CCT6B: variants seen among roughly 807,000 people sequenced by gnomAD.
CCT6B encodes probable T-complex protein 1 subunit zeta-2.
A neutral mutation model predicts 61.5 loss-of-function variants in CCT6B; 49 were observed. That is an observed-to-expected ratio of 0.80 (90% CI 0.63 to 1.01). The LOEUF (loss-of-function observed/expected upper bound fraction) is 1.01. CCT6B is among the 50% of genes least tolerant of loss of function. The probability of loss-of-function intolerance (pLI) is 0.00; values close to 1 mark genes in which losing one functional copy is unlikely to be tolerated. For missense variants in CCT6B, 666 were observed against 634.7 expected (o/e 1.05, Z -0.53); for synonymous variants, 228 against 214.5 (o/e 1.06, Z -0.55).
intron 12 of CCT6B, 36 bp from the exon 13 acceptor site, chr17:34,929,070 A>G: frequency 7.9e-7 from 1 of 1,261,788 alleles, no homozygotes; most frequent in Admixed American, 1.8e-5. Context: ...CCAAAATCTT[A>G]GTATTTGCTA....
At chr17:34,937,843 A>T (rs775053687) in intron 10 of CCT6B, among the ~76,000 whole-genome samples, 2 of 151,724 alleles carry the variant, frequency 1.3e-5, no homozygotes, top group Non-Finnish European at 2.9e-5. Context: ...GAACTCTCAA[A>T]CTCAACAATA....
intron 3 of CCT6B, among the ~76,000 whole-genome samples, 180 bp downstream of exon 3, chr17:34,958,380 G>A (rs1020715654): frequency 1.6e-4 from 25 of 152,106 alleles, no homozygotes; most frequent in Admixed American, 1.6e-3. Context: ...GGAGGCGGAG[G>A]TTGCAGTGAG....
At chr17:34,942,115 TCAGA>T (rs2090170327) in intron 7 of CCT6B, among the ~76,000 whole-genome samples, 1 of 151,544 alleles carries the variant, frequency 6.6e-6, no homozygotes, top group Admixed American at 6.6e-5. Context: ...GATGCATATT[TCAGA>T]ATCAAAATTT....
chr17:34,947,722 C>A (rs1373680093), intron 5 of CCT6B, among the ~76,000 whole-genome samples: 1 of 152,136 alleles, frequency 6.6e-6, no homozygotes, highest in Non-Finnish European at 1.5e-5. Context: ...TGGCTCACAC[C>A]TGTAATCCCA....
intron 5 of CCT6B, among the ~76,000 whole-genome samples, chr17:34,947,381 C>T (rs2090236021): frequency 6.6e-6 from 1 of 152,024 alleles, no homozygotes; most frequent in African/African-American, 2.4e-5. Flanking sequence ...ACACCAAAGA[C>T]AAAGAGAAAT....
chr17:34,938,291 T>G (rs1361872797), intron 10 of CCT6B, among the ~76,000 whole-genome samples: 1 of 152,116 alleles, frequency 6.6e-6, no homozygotes, highest in Non-Finnish European at 1.5e-5. Flanking sequence ...ATGGGCTGAA[T>G]GTGGTGGCTC....
intron 8 of CCT6B, among the ~76,000 whole-genome samples, chr17:34,940,227 C>A (rs2090146332): frequency 6.6e-6 from 1 of 152,094 alleles, no homozygotes; most frequent in African/African-American, 2.4e-5. Flanking sequence ...CTATCTACTT[C>A]TATGAGTTCA....
At chr17:34,958,523 CA>C in intron 3 of CCT6B, 36 bp downstream of exon 3, 1 of 1,322,374 alleles carries the variant, frequency 7.6e-7, no homozygotes, top group Non-Finnish European at 1.0e-6. Context: ...AATAATTTGC[CA>C]TTCAAAATAA....
Position 34,953,774 on chromosome 17 carries a change from T to C in CCT6B, c.510+652A>G, listed in dbSNP as rs146655247. On this transcript the variant is annotated intron_variant, in intron 4 of 13. Transcript: ENST00000314144. ...TTCAAGACAAGCTTTGGTAACATAG[T>C]GAGACCCCATCTCTACTAAAAATAC... 4.0e-3 allele frequency among the ~76,000 whole-genome samples: 605 copies of C among 152,196 alleles called. 1 individual carries two copies. The highest frequency in any genetic ancestry group is 6.4e-3 in the Non-Finnish European group (432 of 68,012).
chr17:34,939,039 G>A (rs537443628), intron 10 of CCT6B, 144 bp downstream of exon 10: 52 of 560,684 alleles, frequency 9.3e-5, no homozygotes, highest in Non-Finnish European at 1.2e-4. Flanking sequence ...GGCTGAGATC[G>A]CACCACTGCA....
At chr17:34,937,791 T>C (rs571004438) in intron 10 of CCT6B, among the ~76,000 whole-genome samples, 6 of 152,168 alleles carry the variant, frequency 3.9e-5, no homozygotes, top group African/African-American at 1.2e-4. Context: ...AATTTGCCAA[T>C]TATATATCTG....
At chr17:34,950,940 A>AAAAG (rs1555550439) in intron 5 of CCT6B, among the ~76,000 whole-genome samples, 2 of 151,780 alleles carry the variant, frequency 1.3e-5, no homozygotes, top group Non-Finnish European at 2.9e-5. Context: ...AAAAAAAAAA[A>AAAAG]AAGAAGAAGA....
Position 34,927,879 on chromosome 17 carries a change from A to C in CCT6B, c.*169T>G. ...TTATTCCTTTACTGTAAAAGTATTT[A>C]TTGTGTTCTTTATACCTTGATGAAA... On this transcript the variant is annotated 3_prime_UTR_variant, in exon 14 of 14. Transcript: ENST00000314144. 1 of 470,038 alleles carries C rather than the reference A, an allele frequency of 2.1e-6. No homozygotes were observed. Among genetic ancestry groups the C allele is most frequent in the Non-Finnish European group, 3.8e-6 (1 of 262,290 alleles). 29.1% of individuals were successfully genotyped at this position (470,038 alleles called of 1,614,324 possible). A position where few individuals can be genotyped will look rare whatever the true frequency, so the allele number is the denominator to read the frequency against.
rs188075332 is a variant in CCT6B, at chr17:34,958,625, C to A, written c.271G>T (p.Gly91Cys). ...ATAATTAGAACATTTGAAGTAGTAC[C>A]ATCTCCTGTGACGTCATCCTGAGCT... Reference protein sequence around the residue: ...ATAQDDVTGDGTTSNVLIIGE... With the variant: ...ATAQDDVTGDCTTSNVLIIGE... The change falls in exon 3 of 14, where the codon GGT becomes TGT. Residue 91 changes from glycine (G) to cysteine (C), a missense_variant. Transcript: ENST00000314144. 5.6e-6 allele frequency: 9 copies of A among 1,603,522 alleles called. No individual in the cohort carries two copies. The Admixed American group carries it at 1.0e-4, about 18-fold the overall frequency.
chr17:34,950,883 C>T (rs1028375640), intron 5 of CCT6B, among the ~76,000 whole-genome samples: 2 of 150,434 alleles, frequency 1.3e-5, no homozygotes, highest in Non-Finnish European at 3.0e-5. Flanking sequence ...GAGCCAAGAT[C>T]ACGCCATTGC....
intron 3 of CCT6B, among the ~76,000 whole-genome samples, chr17:34,956,580 T>C (rs2090349791): frequency 6.6e-6 from 1 of 152,182 alleles, no homozygotes; most frequent in African/African-American, 2.4e-5. Flanking sequence ...CTCTCCCACT[T>C]GTGCTTTGGA....
intron 2 of CCT6B, 123 bp downstream of exon 2, chr17:34,959,464 G>A: frequency 1.4e-6 from 1 of 712,096 alleles, no homozygotes; most frequent in Non-Finnish European, 2.4e-6. Context: ...TAATTCAACA[G>A]TCTTCAGCAT....
Position 34,942,804 on chromosome 17 carries a change from A to T in CCT6B, c.717T>A (p.Tyr239Ter). Residue 239 changes from tyrosine to a stop codon, truncating the protein, a stop_gained, in exon 6 of 14, where the codon TAT becomes TAA. Transcript: ENST00000314144. LOFTEE classifies it high-confidence loss of function. The part of the protein sequence containing the change: ...FILICNVSLE[Y>*]EKTEVNSGFF... ...GAGAAAGTAACACGCACGTTTTTTCATATTCCAGTGAAACGTTGCAAATAA... is the reference window on the plus strand; with the variant it reads ...GAGAAAGTAACACGCACGTTTTTTCTTATTCCAGTGAAACGTTGCAAATAA... 6.3e-7 allele frequency: 1 copy of T among 1,594,960 alleles called. No individual in the cohort carries two copies. The highest frequency in any genetic ancestry group is 8.6e-7 in the Non-Finnish European group (1 of 1,169,542).
chr17:34,951,069 TACAAATTA>T (rs1467911965), intron 5 of CCT6B, among the ~76,000 whole-genome samples: 2 of 151,878 alleles, frequency 1.3e-5, no homozygotes, highest in African/African-American at 2.4e-5. Context: ...AGAAAGAACC[TACAAATTA>T]ACAAATTAAC....
Sources: gnomAD v4.1 joint callset for allele counts (sites outside exome capture counted in the v4.1 genomes callset) on GRCh38, gnomAD v4.1.1 for gene constraint, MANE v1.5 for transcripts, NCBI Gene and HGNC (gene_info 2026-07-23, HGNC 2026-07-21) for gene names.